Variants in TUBG2 observed in about 807,000 individuals in gnomAD.
TUBG2 encodes the protein tubulin gamma-2 chain.
TUBG2 carries 39 observed loss-of-function variants against 55.1 expected under a neutral mutation model. The ratio of observed to expected loss-of-function variants is 0.71; its 90% confidence interval spans 0.55 to 0.93. TUBG2 has a LOEUF of 0.93. TUBG2 is among the 40% of genes least tolerant of loss of function. TUBG2 has a pLI of 0.00. For synonymous variants in TUBG2, 223 were observed against 241.0 expected (o/e 0.93, Z 0.69); for missense variants, 358 against 599.1 (o/e 0.60, Z 4.20).
intron 6 of TUBG2, among the ~76,000 whole-genome samples, chr17:42,664,767 T>C (rs1323435744): frequency 6.6e-6 from 1 of 151,700 alleles, no homozygotes; most frequent in Non-Finnish European, 1.5e-5. Flanking sequence ...TACTCACGTG[T>C]TTGTTTACTG....
In TUBG2 at chr17:42,666,483, C is replaced by T. The variant is rs769473768; in HGVS notation, c.1157C>T (p.Ser386Leu). ...ATGGCCAACCACACCAGCATCTCCT[C>T]GGTGAGTCTAGGTTTCTATTCTTCT... is the stretch of plus-strand genomic sequence containing the variant. The part of the protein sequence containing the change: ...LMMANHTSIS[S>L]LFESSCQQFD... Residue 386 changes from serine (S) to leucine (L), a missense_variant and splice_region_variant, in exon 10 of 11, where the codon TCG becomes TTG. Transcript: ENST00000251412. 9.3e-6 allele frequency: 15 copies of T among 1,613,968 alleles called. No homozygotes were observed. The highest frequency in any genetic ancestry group is 1.7e-5 in the Admixed American group (1 of 60,000).
In TUBG2 at chr17:42,660,157, T is replaced by C; in HGVS notation, c.171T>C (p.Asp57=). The C allele has an allele frequency of 6.3e-7, 1 of 1,592,832 alleles. No homozygotes were observed. The highest frequency in any genetic ancestry group is 1.4e-5 in the African/African-American group (1 of 73,526). ...RKDVFFYQAD[D]EHYIPRAVLL... is the part of the protein sequence containing the mutation. Reference sequence around the variant, plus strand: ...TGGACTCCCCTTGACAGGCAGACGATGAGCACTACATCCCCCGGGCCGTGC... The same window carrying C: ...TGGACTCCCCTTGACAGGCAGACGACGAGCACTACATCCCCCGGGCCGTGC... The change falls in exon 3 of 11, where the codon GAT becomes GAC. Residue 57 remains aspartate (D), a synonymous_variant. Transcript: ENST00000251412.
At chr17:42,662,227 C>T (rs2052404593) in intron 4 of TUBG2, among the ~76,000 whole-genome samples, 1 of 151,928 alleles carries the variant, frequency 6.6e-6, no homozygotes, top group Admixed American at 6.6e-5. Context: ...TGCCTTGAGC[C>T]CAGGAATTCA....
At chr17:42,665,080 C>T (rs1411524330) in intron 6 of TUBG2, among the ~76,000 whole-genome samples, 4 of 151,740 alleles carry the variant, frequency 2.6e-5, no homozygotes, top group Non-Finnish European at 4.4e-5. Context: ...CGGAGTCTTG[C>T]TCTGTCCCCC....
rs746167968 is a variant in TUBG2 at position 42,666,712 on chromosome 17, G to T, written c.1268G>T (p.Arg423Met). 5 of 1,614,060 alleles carry T rather than the reference G, an allele frequency of 3.1e-6. No homozygotes were observed. The African/African-American group carries it at 5.3e-5, about 17-fold the overall frequency. The change falls in exon 11 of 11, where the codon AGG becomes ATG. Residue 423 changes from arginine (R) to methionine (M), a missense_variant. Coordinates refer to ENST00000251412, the MANE Select transcript of TUBG2 (RefSeq NM_016437.3). ...AAGGACAACTTTGATGAGATGGACAGGTCTAGGGAGGTTGTTCAGGAGCTC... is the reference window on the plus strand; with the variant it reads ...AAGGACAACTTTGATGAGATGGACATGTCTAGGGAGGTTGTTCAGGAGCTC... The part of the protein sequence containing the change: ...MFKDNFDEMD[R>M]SREVVQELID...
At chr17:42,663,255 C>G in intron 5 of TUBG2, 122 bp from the exon 6 acceptor site, 2 of 1,473,726 alleles carry the variant, frequency 1.4e-6, no homozygotes, top group Non-Finnish European at 1.8e-6. Context: ...AGCTTTCAGG[C>G]TTATCCTTTT....
intron 6 of TUBG2, among the ~76,000 whole-genome samples, chr17:42,664,671 G>C (rs2052473831): frequency 6.6e-6 from 1 of 151,362 alleles, no homozygotes; most frequent in Non-Finnish European, 1.5e-5. Flanking sequence ...CCCTCCACGA[G>C]ACTATAGGCC....
Position 42,660,625 on chromosome 17 carries a change from A to G in TUBG2, c.331-14A>G, listed in dbSNP as rs1311285774. On this transcript the variant is annotated splice_polypyrimidine_tract_variant and intron_variant, in intron 3 of 10. Coordinates refer to ENST00000251412, the MANE Select transcript of TUBG2 (RefSeq NM_016437.3). ...ACCTTTGGCCTGACCCTCCCTTTCCATATCTCTATACAGGGTGAGAAAATT... is the reference window on the plus strand; with the variant it reads ...ACCTTTGGCCTGACCCTCCCTTTCCGTATCTCTATACAGGGTGAGAAAATT... 5 of 1,613,096 alleles carry G rather than the reference A, an allele frequency of 3.1e-6. No individual in the cohort carries two copies. Among genetic ancestry groups the G allele is most frequent in the Non-Finnish European group, 4.2e-6 (5 of 1,179,236 alleles).
rs1567947209 is a variant in TUBG2, at chr17:42,663,473, C to A, written c.576C>A (p.Leu192=). ...AGCCCTACAATTCACTCCTGACACT[C>A]AAGAGGCTGACGCAGAACGCAGATT... The part of the protein sequence containing the change: ...VVQPYNSLLT[L]KRLTQNADCV... Residue 192 remains leucine, a synonymous_variant, in exon 6 of 11, where the codon CTC becomes CTA. Transcript: ENST00000251412. 1.9e-6 allele frequency: 3 copies of A among 1,614,086 alleles called. No homozygotes were observed. The highest frequency in any genetic ancestry group is 2.2e-5 in the South Asian group (2 of 91,084).
intron 5 of TUBG2, 116 bp from the exon 6 acceptor site, chr17:42,663,261 C>A: frequency 1.3e-6 from 2 of 1,493,644 alleles, no homozygotes; most frequent in East Asian, 2.3e-5. Flanking sequence ...CAGGCTTATC[C>A]TTTTTGGCTC....
Position 42,663,512 on chromosome 17 carries a change from A to G in TUBG2, c.606+9A>G, listed in dbSNP as rs2052440730. 1 of 1,612,892 alleles carries G rather than the reference A, an allele frequency of 6.2e-7. No homozygotes were observed. Among genetic ancestry groups the G allele is most frequent in the Non-Finnish European group, 8.5e-7 (1 of 1,178,934 alleles). ...AGAACGCAGATTGTGTGGTGAGCAA[A>G]GAAAGAGTTGAGGGGCTGGGTGTGG... is the stretch of plus-strand genomic sequence containing the variant. On this transcript the variant is annotated intron_variant, in intron 6 of 10. Coordinates refer to ENST00000251412, the MANE Select transcript of TUBG2 (RefSeq NM_016437.3).
chr17:42,665,849 C>G, intron 8 of TUBG2, 22 bp downstream of exon 8: 1 of 1,614,020 alleles, frequency 6.2e-7, no homozygotes, highest in East Asian at 2.2e-5. Context: ...CTTCAGTGTC[C>G]CAGGCCAGGC....
Position 42,666,102 on chromosome 17 carries a change from A to G in TUBG2, c.859A>G (p.Lys287Glu). 1 of 1,613,956 alleles carries G rather than the reference A, an allele frequency of 6.2e-7. No homozygotes were observed. The highest frequency in any genetic ancestry group is 8.5e-7 in the Non-Finnish European group (1 of 1,179,846). ...TTDQSVASVR[K>E]TTVLDVMRRL... ...GTCCCATCAGGTGGCCAGCGTGAGG[A>G]AGACCACGGTCCTGGATGTCATGAG... is the stretch of plus-strand genomic sequence containing the variant. Residue 287 changes from lysine to glutamate, a missense_variant, in exon 9 of 11, where the codon AAG becomes GAG. By Grantham distance (56) the Lys-to-Glu change is moderately conservative (BLOSUM62 1). Transcript: ENST00000251412.
At position 42,665,826 on chromosome 17, in the gene TUBG2, C is replaced by T. The variant is rs1484784453; in HGVS notation, c.842C>T (p.Ser281Leu). 6.2e-7 allele frequency: 1 copy of T among 1,614,060 alleles called. No individual in the cohort carries two copies. Among genetic ancestry groups the T allele is most frequent in the African/African-American group, 1.3e-5 (1 of 74,938 alleles). The change falls in exon 8 of 11, where the codon TCA becomes TTA. Residue 281 changes from serine (S) to leucine (L), a missense_variant and splice_region_variant. Ser to Leu is a moderately radical substitution (Grantham distance 145). Coordinates refer to ENST00000251412, the MANE Select transcript of TUBG2 (RefSeq NM_016437.3). ...TACACCCCGCTCACTACAGACCAGTCAGTAAGAGCAGCCTTCAGTGTCCCA... is the reference window on the plus strand; with the variant it reads ...TACACCCCGCTCACTACAGACCAGTTAGTAAGAGCAGCCTTCAGTGTCCCA... ...TGYTPLTTDQ[S>L]VASVRKTTVL...
Position 42,659,529 on chromosome 17 carries a change from A to C in TUBG2, c.26A>C (p.Gln9Pro). MPREIITL[Q>P]LGQCGNQIGF... The stretch of plus-strand genomic sequence containing the variant: ...ATGCCCCGGGAGATCATCACCCTGC[A>C]GCTGGGCCAGTGCGGCAACCAGAGT... Residue 9 changes from glutamine (Q) to proline (P), a missense_variant, in exon 1 of 11, where the codon CAG (glutamine) becomes CCG (proline). Gln to Pro is a moderately conservative substitution (Grantham distance 76, BLOSUM62 -1). Around this residue, in one of 8 missense-constraint regions of TUBG2, gnomAD observed 17 missense variants for 16.9 expected, o/e 1.01. Coordinates refer to ENST00000251412, the MANE Select transcript of TUBG2 (RefSeq NM_016437.3). The C allele has an allele frequency of 1.3e-6, 2 of 1,552,562 alleles. No homozygotes were observed. The highest frequency in any genetic ancestry group is 1.7e-6 in the Non-Finnish European group (2 of 1,148,684).
At chr17:42,659,615 GC>G in intron 1 of TUBG2, 63 bp downstream of exon 1, 1 of 1,503,208 alleles carries the variant, frequency 6.7e-7, no homozygotes, top group Admixed American at 2.2e-5. Context: ...CCACCCAAGT[GC>G]CTGGCTTCCA....
In TUBG2 at chr17:42,666,599, T is replaced by C; in HGVS notation, c.1159-4T>C. The stretch of plus-strand genomic sequence containing the variant: ...CGCATTTTGGAGATTTTCATCTCTT[T>C]CAGCTCTTTGAAAGTTCCTGCCAGC... On this transcript the variant is annotated splice_region_variant and splice_polypyrimidine_tract_variant and intron_variant, in intron 10 of 10. Transcript: ENST00000251412. 2 of 1,614,158 alleles carry C rather than the reference T, an allele frequency of 1.2e-6. No homozygotes were observed.
In TUBG2 at chr17:42,666,734, G is replaced by A; in HGVS notation, c.1290G>A (p.Glu430=). Reference sequence around the variant, plus strand: ...ACAGGTCTAGGGAGGTTGTTCAGGAGCTCATTGATGAGTACCATGCGGCCA... The same window carrying A: ...ACAGGTCTAGGGAGGTTGTTCAGGAACTCATTGATGAGTACCATGCGGCCA... ...EMDRSREVVQ[E]LIDEYHAATQ... Residue 430 remains glutamate (E), a synonymous_variant, in exon 11 of 11, where the codon GAG becomes GAA. Coordinates refer to ENST00000251412, the MANE Select transcript of TUBG2 (RefSeq NM_016437.3). 1.2e-6 allele frequency: 2 copies of A among 1,614,130 alleles called. No homozygotes were observed. Among genetic ancestry groups the A allele is most frequent in the South Asian group, 1.1e-5 (1 of 91,080 alleles).
Position 42,659,294 on chromosome 17 carries a change from C to A in TUBG2, c.-210C>A, listed in dbSNP as rs371687161. 8.2e-5 allele frequency: 43 copies of A among 526,718 alleles called. No individual in the cohort carries two copies. Among genetic ancestry groups the A allele is most frequent in the Middle Eastern group, 5.0e-4 (1 of 2,016 alleles). The allele number at this position is 526,718 out of a possible 1,614,324, so 32.6% of individuals were successfully genotyped here. A position where few individuals can be genotyped will look rare whatever the true frequency, so the allele number is the denominator to read the frequency against. ...CTGCGCCTGTGCGGAATTCCAGCTG[C>A]GACTGCTGAGGGAGAAAATGATGCC... On this transcript the variant is annotated 5_prime_UTR_variant, in exon 1 of 11. Coordinates refer to ENST00000251412, the MANE Select transcript of TUBG2 (RefSeq NM_016437.3).
Sources: allele counts gnomAD v4.1 joint callset (sites outside exome capture counted in the v4.1 genomes callset), GRCh38; gene constraint gnomAD v4.1.1; regional missense constraint gnomAD v4.1.1; transcripts MANE v1.5; gene names NCBI Gene and HGNC (gene_info 2026-07-23, HGNC 2026-07-21).